Variants in GMDS observed in about 807,000 individuals in gnomAD.
The protein encoded by GMDS is GDP-mannose 4,6 dehydratase.
In GMDS, 20 loss-of-function variants were observed where a neutral mutation model predicts 49.9. The observed-to-expected ratio is 0.40, with a 90% CI of 0.28 to 0.58. The LOEUF is 0.58. Among genes scored for constraint, GMDS ranks in the 20% least tolerant of loss-of-function variants. GMDS has a pLI of 0.42. For missense variants in GMDS, 362 were observed against 481.4 expected, an observed-to-expected ratio of 0.75 and a Z score of 2.32; for synonymous variants, 177 against 178.6, an observed-to-expected ratio of 0.99 and a Z score of 0.07.
chr6:1,738,104 A>G (rs558256257), intron 8 of GMDS, among the ~76,000 whole-genome samples: 50 of 148,044 alleles, frequency 3.4e-4, no homozygotes, highest in African/African-American at 1.2e-3. Flanking sequence ...CACACCACAC[A>G]TATACACACA....
intron 1 of GMDS, among the ~76,000 whole-genome samples, chr6:2,220,816 A>T (rs914819994): frequency 8.5e-5 from 13 of 152,130 alleles, no homozygotes; most frequent in African/African-American, 3.1e-4. Flanking sequence ...ACTTCAGATA[A>T]GGGATACTCA....
At chr6:1,913,393 A>G (rs1026522125) in intron 7 of GMDS, among the ~76,000 whole-genome samples, 1 of 150,680 alleles carries the variant, frequency 6.6e-6, no homozygotes, top group Non-Finnish European at 1.5e-5. Flanking sequence ...ACAAACAAAA[A>G]AAAAAAAAAA....
At chr6:1,969,149 C>T (rs530426524) in intron 4 of GMDS, among the ~76,000 whole-genome samples, 22 of 148,778 alleles carry the variant, frequency 1.5e-4, no homozygotes, top group Non-Finnish European at 2.7e-4. Context: ...GTAGTCCCAG[C>T]TGCTTGGGAG....
intron 4 of GMDS, among the ~76,000 whole-genome samples, chr6:2,066,958 T>C (rs1771642783): frequency 6.6e-6 from 1 of 151,842 alleles, no homozygotes; most frequent in South Asian, 2.1e-4. Flanking sequence ...CAACAGAATA[T>C]ACATTTTTTT....
intron 9 of GMDS, among the ~76,000 whole-genome samples, chr6:1,689,738 A>G (rs1257900988): frequency 6.6e-6 from 1 of 152,232 alleles, no homozygotes; most frequent in South Asian, 2.1e-4. Context: ...TTGGCAAAGG[A>G]TTAATATACT....
chr6:2,244,663 T>C (rs1781776479), intron 1 of GMDS, among the ~76,000 whole-genome samples: 1 of 152,220 alleles, frequency 6.6e-6, no homozygotes, highest in South Asian at 2.1e-4. Flanking sequence ...AAAATGGAAC[T>C]AGCCGCACTT....
At chr6:1,963,741 C>G (rs575843485) in intron 4 of GMDS, among the ~76,000 whole-genome samples, 2 of 152,094 alleles carry the variant, frequency 1.3e-5, no homozygotes, top group African/African-American at 4.8e-5. Flanking sequence ...CTTGGGAGAG[C>G]GGGTGTCAGG....
intron 1 of GMDS, among the ~76,000 whole-genome samples, chr6:2,232,421 A>G (rs1186065991): frequency 1.3e-5 from 2 of 152,178 alleles, no homozygotes; most frequent in Non-Finnish European, 2.9e-5. Context: ...GTCAGCACTT[A>G]TGGCCCATGA....
chr6:1,771,444 G>A (rs1345972595), intron 7 of GMDS, among the ~76,000 whole-genome samples: 1 of 152,194 alleles, frequency 6.6e-6, no homozygotes, highest in Non-Finnish European at 1.5e-5. Context: ...CTCCTTTGCA[G>A]GCCCAAACAA....
intron 8 of GMDS, among the ~76,000 whole-genome samples, chr6:1,741,657 C>T (rs1767273026): frequency 6.6e-6 from 1 of 151,110 alleles, no homozygotes; most frequent in Non-Finnish European, 1.5e-5. Flanking sequence ...ACTAAAAATA[C>T]AAAAATTAGC....
rs1769835718 is a variant in GMDS at position 1,798,766 on chromosome 6, C to T, written c.772-56180G>A. ...CCAGTGCCTCCCTTGCAATCAGATC[C>T]CATTTTCTGGTTTTGGCATCGCATA... On this transcript the variant is annotated intron_variant, in intron 7 of 10. Coordinates refer to ENST00000380815, the MANE Select transcript of GMDS (RefSeq NM_001500.4). Among the ~76,000 whole-genome samples the T allele has an allele frequency of 3.9e-5, 6 of 152,124 alleles. 1 individual carries two copies. The highest frequency in any genetic ancestry group is 3.9e-4 in the Admixed American group (6 of 15,274).
At chr6:1,827,078 A>ATG (rs111813765) in intron 7 of GMDS, among the ~76,000 whole-genome samples, 7,470 of 125,094 alleles carry the variant, frequency 0.06, 210 homozygotes, top group African/African-American at 0.068. Context: ...AAAAATATAT[A>ATG]TGTGTGTGTG....
intron 7 of GMDS, among the ~76,000 whole-genome samples, chr6:1,817,595 T>G (rs1038734889): frequency 3.3e-5 from 5 of 152,186 alleles, no homozygotes; most frequent in African/African-American, 1.2e-4. Context: ...ACTGAAAACA[T>G]TAACCATAAA....
chr6:1,718,484 T>C (rs1766252419), intron 9 of GMDS, among the ~76,000 whole-genome samples: 1 of 152,164 alleles, frequency 6.6e-6, no homozygotes, highest in Non-Finnish European at 1.5e-5. Flanking sequence ...TCTGATTCCA[T>C]GGTCTCCATC....
intron 7 of GMDS, among the ~76,000 whole-genome samples, chr6:1,796,544 T>A (rs921285262): frequency 6.6e-6 from 1 of 152,132 alleles, no homozygotes; most frequent in Non-Finnish European, 1.5e-5. Flanking sequence ...GAGCTCAGAT[T>A]TGATGCTGTT....
chr6:1,933,778 T>A (rs1236637213), intron 6 of GMDS, among the ~76,000 whole-genome samples: 1 of 152,228 alleles, frequency 6.6e-6, no homozygotes, highest in Non-Finnish European at 1.5e-5. Context: ...AAGTCCCTTA[T>A]CAGCTATATA....
At chr6:1,968,891 C>A (rs1273187171) in intron 4 of GMDS, among the ~76,000 whole-genome samples, 3 of 152,052 alleles carry the variant, frequency 2.0e-5, no homozygotes, top group African/African-American at 7.2e-5. Context: ...ACCATTAAAT[C>A]CCCAAGAATC....
intron 4 of GMDS, among the ~76,000 whole-genome samples, chr6:1,986,055 A>T (rs559684741): frequency 6.6e-6 from 1 of 152,358 alleles, no homozygotes; most frequent in South Asian, 2.1e-4. Context: ...TGACCTAGAA[A>T]ACTAGTGAGG....
chr6:1,948,140 T>C (rs1194592993), intron 6 of GMDS, among the ~76,000 whole-genome samples: 4 of 152,150 alleles, frequency 2.6e-5, no homozygotes, highest in Non-Finnish European at 4.4e-5. Context: ...CTCAGAGAGA[T>C]TGAGAAACTG....
Sources: gnomAD v4.1 joint callset for allele counts (sites outside exome capture counted in the v4.1 genomes callset) on GRCh38, gnomAD v4.1.1 for gene constraint, MANE v1.5 for transcripts, NCBI Gene and HGNC (gene_info 2026-07-23, HGNC 2026-07-21) for gene names.